ARHGAP10: variants seen among roughly 807,000 people sequenced by gnomAD.
The protein encoded by ARHGAP10 is Rho GTPase activating protein 10.
In ARHGAP10, 87 loss-of-function variants were observed where a neutral mutation model predicts 108.6. That is an observed-to-expected ratio of 0.80 (90% CI 0.67 to 0.96). ARHGAP10 has a LOEUF of 0.96. Ranked by LOEUF, ARHGAP10 falls within the 40% of genes least tolerant of loss-of-function variation. The pLI, the probability that ARHGAP10 is intolerant of heterozygous loss-of-function variation, is 0.00. For missense variants in ARHGAP10, 939 were observed against 954.5 expected (o/e 0.98, Z 0.21); for synonymous variants, 347 against 341.1 (o/e 1.02, Z -0.19).
intron 18 of ARHGAP10, among the ~76,000 whole-genome samples, chr4:147,992,209 C>A (rs2149636845): frequency 6.6e-6 from 1 of 152,236 alleles, no homozygotes; most frequent in South Asian, 2.1e-4. Flanking sequence ...CTCCTTCCAC[C>A]CCTAAGCCTG....
intron 1 of ARHGAP10, among the ~76,000 whole-genome samples, chr4:147,754,079 G>A (rs1387916981): frequency 1.3e-5 from 2 of 152,058 alleles, no homozygotes. Flanking sequence ...TCTGTCTTTC[G>A]TCCTCCAGCA....
At chr4:147,751,931 G>C (rs548382216) in intron 1 of ARHGAP10, among the ~76,000 whole-genome samples, 1 of 149,044 alleles carries the variant, frequency 6.7e-6, no homozygotes, top group East Asian at 2.0e-4. Context: ...CTGCCATCAG[G>C]TTGGAGTGCA....
chr4:148,046,370 T>C (rs1045368102), intron 19 of ARHGAP10, among the ~76,000 whole-genome samples: 1 of 152,174 alleles, frequency 6.6e-6, no homozygotes, highest in Admixed American at 6.5e-5. Context: ...GAAATGGAAG[T>C]TTGTCTATGT....
At chr4:147,754,940 C>T (rs1043816936) in intron 1 of ARHGAP10, among the ~76,000 whole-genome samples, 4 of 151,786 alleles carry the variant, frequency 2.6e-5, no homozygotes, top group African/African-American at 9.7e-5. Context: ...CTAAAAAATG[C>T]AAAAATTAGC....
At chr4:147,847,362 T>A in intron 4 of ARHGAP10, 140 bp downstream of exon 4, 4 of 778,612 alleles carry the variant, frequency 5.1e-6, no homozygotes, top group Non-Finnish European at 8.1e-6. Context: ...CTTTTCCCCC[T>A]TTGGGGGATA....
intron 1 of ARHGAP10, among the ~76,000 whole-genome samples, chr4:147,806,894 G>A (rs1029003235): frequency 7.2e-5 from 11 of 152,120 alleles, no homozygotes; most frequent in African/African-American, 1.4e-4. Flanking sequence ...GAATAGCATT[G>A]CCTGTAGGTG....
chr4:147,811,001 A>G (rs1731995214), intron 1 of ARHGAP10, among the ~76,000 whole-genome samples: 1 of 152,220 alleles, frequency 6.6e-6, no homozygotes, highest in African/African-American at 2.4e-5. Flanking sequence ...GAGGCTCTCC[A>G]TACTTGACTT....
In ARHGAP10 at chr4:147,969,324, C is replaced by CTTTTTT. The variant is rs61078731; in HGVS notation, c.1716+2501_1716+2506dup. Among the ~76,000 whole-genome samples, 4 of 93,832 alleles carry CTTTTTT rather than the reference C, an allele frequency of 4.3e-5. 1 individual carries two copies. The highest frequency in any genetic ancestry group is 8.4e-5 in the African/African-American group (2 of 23,718). The allele number at this position is 93,832 out of a possible 152,430, so 61.6% of individuals were successfully genotyped here. A position where few individuals can be genotyped will look rare whatever the true frequency, so the allele number is the denominator to read the frequency against. On this transcript the variant is annotated intron_variant, in intron 18 of 22. Transcript: ENST00000336498. ...ATGGATGTGAGAAGTTTTGTTTTGC[C>CTTTTTT]TTTTTTTTTTTTTTTTTTTTTGCCA...
chr4:148,016,136 A>C (rs137952196), intron 18 of ARHGAP10, among the ~76,000 whole-genome samples: 2 of 152,352 alleles, frequency 1.3e-5, no homozygotes, highest in Non-Finnish European at 2.9e-5. Flanking sequence ...ATTTGAGATC[A>C]TAGGAATATA....
chr4:148,069,025 TGC>T (rs1263589193), intron 22 of ARHGAP10, among the ~76,000 whole-genome samples: 1 of 152,098 alleles, frequency 6.6e-6, no homozygotes, highest in African/African-American at 2.4e-5. Context: ...ACACTGAGAC[TGC>T]CATGTTCTCC....
chr4:147,977,403 C>G (rs1223499873), intron 18 of ARHGAP10, among the ~76,000 whole-genome samples: 2 of 152,066 alleles, frequency 1.3e-5, no homozygotes, highest in African/African-American at 2.4e-5. Flanking sequence ...CTAGTGCTCA[C>G]TATGTATTTT....
Position 147,732,428 on chromosome 4 carries a change from G to T in ARHGAP10, c.127G>T (p.Gly43Trp), listed in dbSNP as rs368342959. The change falls in exon 1 of 23, where the codon GGG becomes TGG. Residue 43 changes from glycine to tryptophan, a missense_variant. Gly to Trp is a radical substitution (Grantham distance 184, BLOSUM62 -2). Coordinates refer to ENST00000336498, the MANE Select transcript of ARHGAP10 (RefSeq NM_024605.4). ...GTTCATCAAAGAGCTCATTAAGGACGGGAAGAACCTCATCGCTGCGACGAA... is the reference window on the plus strand; with the variant it reads ...GTTCATCAAAGAGCTCATTAAGGACTGGAAGAACCTCATCGCTGCGACGAA... ...NKFIKELIKD[G>W]KNLIAATKSL... The T allele has an allele frequency of 1.6e-5, 26 of 1,612,492 alleles. No individual in the cohort carries two copies. Among genetic ancestry groups the T allele is most frequent in the Non-Finnish European group, 2.2e-5 (26 of 1,179,320 alleles).
At chr4:148,014,489 A>G (rs1335675014) in intron 18 of ARHGAP10, among the ~76,000 whole-genome samples, 5 of 152,186 alleles carry the variant, frequency 3.3e-5, no homozygotes, top group African/African-American at 1.2e-4. Context: ...TAATCAGGAG[A>G]GGTTCACCTG....
intron 19 of ARHGAP10, among the ~76,000 whole-genome samples, chr4:148,034,966 A>G (rs1032611867): frequency 1.3e-5 from 2 of 152,212 alleles, no homozygotes; most frequent in Non-Finnish European, 1.5e-5. Context: ...GAGTAAAGCA[A>G]TTTGCTTTGA....
Position 147,965,011 on chromosome 4 carries a change from T to A in ARHGAP10, c.1451-13T>A, listed in dbSNP as rs1463036179. ...CTTTATTTTTTTCTTTATTATTATT[T>A]TTTTTTTGGAAGAAAGCGGCAGCCC... On this transcript the variant is annotated splice_polypyrimidine_tract_variant and intron_variant, in intron 16 of 22. Transcript: ENST00000336498. 2.0e-5 allele frequency: 31 copies of A among 1,518,252 alleles called. No individual in the cohort carries two copies. In the Middle Eastern group the frequency reaches 5.3e-4, roughly 26 times the overall value. 94.0% of individuals were successfully genotyped at this position (1,518,252 alleles called of 1,614,324 possible). A position where few individuals can be genotyped will look rare whatever the true frequency, so the allele number is the denominator to read the frequency against.
At chr4:147,852,460 G>A (rs1032383224) in intron 4 of ARHGAP10, among the ~76,000 whole-genome samples, 4 of 152,140 alleles carry the variant, frequency 2.6e-5, no homozygotes, top group Non-Finnish European at 5.9e-5. Flanking sequence ...AAAGGAAAGG[G>A]GTGGGTTGGG....
chr4:147,799,036 C>CT (rs1009850643), intron 1 of ARHGAP10, among the ~76,000 whole-genome samples: 14 of 146,596 alleles, frequency 9.6e-5, no homozygotes, highest in Non-Finnish European at 7.5e-5. Flanking sequence ...TCTTTTTGTC[C>CT]TTTTTTTTTT....
At chr4:148,049,252 C>T (rs35527038) in intron 20 of ARHGAP10, among the ~76,000 whole-genome samples, 21,567 of 151,974 alleles carry the variant, frequency 0.14, 1,640 homozygotes, top group South Asian at 0.22. Flanking sequence ...TCTGTAGGTC[C>T]GAGAAGGGTC....
chr4:147,818,593 T>A (rs1428895653), intron 1 of ARHGAP10, among the ~76,000 whole-genome samples: 1 of 151,496 alleles, frequency 6.6e-6, no homozygotes, highest in Non-Finnish European at 1.5e-5. Flanking sequence ...AAAGTTAGTT[T>A]GTTAGTTTCC....
Sources: gnomAD v4.1 joint callset for allele counts (sites outside exome capture counted in the v4.1 genomes callset) on GRCh38, gnomAD v4.1.1 for gene constraint, MANE v1.5 for transcripts, NCBI Gene and HGNC (gene_info 2026-07-23, HGNC 2026-07-21) for gene names.